SETD1A: variants seen among roughly 807,000 people sequenced by gnomAD.
The protein encoded by SETD1A is SET domain containing 1A, histone lysine methyltransferase, also known as histone-lysine N-methyltransferase SETD1A.
SETD1A carries 29 observed loss-of-function variants against 149.9 expected under a neutral mutation model. That is an observed-to-expected ratio of 0.19 (90% CI 0.14 to 0.26). The LOEUF (loss-of-function observed/expected upper bound fraction) is 0.26. Among genes scored for constraint, SETD1A ranks in the 10% least tolerant of loss-of-function variants. The pLI, the probability that SETD1A is intolerant of heterozygous loss-of-function variation, is 1.00. For missense variants in SETD1A, 2,109 were observed against 2,353.1 expected, an observed-to-expected ratio of 0.90 and a Z score of 2.15; for synonymous variants, 1,141 against 968.5, an observed-to-expected ratio of 1.18 and a Z score of -3.31.
Position 30,961,531 on chromosome 16 carries a change from A to G in SETD1A, c.511A>G (p.Ile171Val). The change falls in exon 4 of 19, where the codon ATC (isoleucine) becomes GTC (valine). Residue 171 changes from isoleucine to valine, a missense_variant. Ile to Val is a conservative substitution (Grantham distance 29, BLOSUM62 3). Around this residue, in one of 8 missense-constraint regions of SETD1A, gnomAD observed 62 missense variants for 149.5 expected, o/e 0.41. Transcript: ENST00000262519. This position sits in a 1 kb window ranked among gnomAD's most constrained non-coding sequence, Gnocchi z 4.0. ...CAACATCATCCATGCCCAGCTTGAC[A>G]TCAAAGGTGAGGACTCCTCTGCCTG... ...MGNIIHAQLD[I>V]KGQQRMKYYE... 6.2e-7 allele frequency: 1 copy of G among 1,613,612 alleles called. No individual in the cohort carries two copies. The highest frequency in any genetic ancestry group is 1.1e-5 in the South Asian group (1 of 91,032).
chr16:30,958,880 A>G lies in SETD1A; in HGVS notation c.149A>G (p.Asn50Ser), dbSNP rs143594214. The change falls in exon 2 of 19, where the codon AAC becomes AGC. Residue 50 changes from asparagine (N) to serine (S), a missense_variant and splice_region_variant. Physicochemically the swap from Asn to Ser is conservative, Grantham distance 46. Around this residue, in one of 8 missense-constraint regions of SETD1A, gnomAD observed 75 missense variants for 95.3 expected, o/e 0.79. Coordinates refer to ENST00000262519, the MANE Select transcript of SETD1A (RefSeq NM_014712.3). ...YRYDGVHFSV[N>S]DSKYIPVEDL... ...TATGATGGAGTCCACTTCAGTGTCA[A>G]CGTGAGTGCCCGGGTCTTTGGTTGC... 1.3e-4 allele frequency: 210 copies of G among 1,613,976 alleles called. No homozygotes were observed. Among genetic ancestry groups the G allele is most frequent in the Non-Finnish European group, 1.7e-4 (201 of 1,179,984 alleles).
chr16:30,980,899 G>T lies in SETD1A; in HGVS notation c.4692+50G>T. On this transcript the variant is annotated intron_variant, in intron 16 of 18. Coordinates refer to ENST00000262519, the MANE Select transcript of SETD1A (RefSeq NM_014712.3). This position sits in a 1 kb window ranked among gnomAD's most constrained non-coding sequence, Gnocchi z 7.7. ...TGGGTGGGGTGGGGTGGGGCAGGAA[G>T]GGGCAGAGGCCAGGGGACCACCCAG... 1 of 1,547,062 alleles carries T rather than the reference G, an allele frequency of 6.5e-7. No homozygotes were observed. Among genetic ancestry groups the T allele is most frequent in the Non-Finnish European group, 8.9e-7 (1 of 1,128,576 alleles).
Position 30,965,749 on chromosome 16 carries a change from T to C in SETD1A, c.1868T>C (p.Leu623Pro). 7.3e-7 allele frequency: 1 copy of C among 1,378,672 alleles called. No individual in the cohort carries two copies. Among genetic ancestry groups the C allele is most frequent in the South Asian group, 1.2e-5 (1 of 84,182 alleles). The allele number at this position is 1,378,672 out of a possible 1,614,324, so 85.4% of individuals were successfully genotyped here. A position where few individuals can be genotyped will look rare whatever the true frequency, so the allele number is the denominator to read the frequency against. Residue 623 changes from leucine to proline, a missense_variant, in exon 8 of 19, where the codon CTT (leucine) becomes CCT (proline). Around this residue, in one of 8 missense-constraint regions of SETD1A, gnomAD observed 431 missense variants for 388.6 expected, o/e 1.11. Coordinates refer to ENST00000262519, the MANE Select transcript of SETD1A (RefSeq NM_014712.3). ...PPPPYLASLP[L>P]GYPPHQPAYL... ...CCTCCCTACCTGGCGTCCCTTCCTC[T>C]TGGTTATCCTCCCCACCAACCTGCC...
chr16:30,975,425 T>C (rs1159809626), intron 13 of SETD1A, among the ~76,000 whole-genome samples: 1 of 146,260 alleles, frequency 6.8e-6, no homozygotes, highest in Non-Finnish European at 1.5e-5. Context: ...CCACAACCTC[T>C]CCCTTTTTTT....
Position 30,961,640 on chromosome 16 carries a change from C to A in SETD1A, c.517+103C>A. The A allele has an allele frequency of 9.9e-7, 1 of 1,008,598 alleles. No individual in the cohort carries two copies. Among genetic ancestry groups the A allele is most frequent in the South Asian group, 1.4e-5 (1 of 69,426 alleles). 62.5% of individuals were successfully genotyped at this position (1,008,598 alleles called of 1,614,324 possible). A position where few individuals can be genotyped will look rare whatever the true frequency, so the allele number is the denominator to read the frequency against. On this transcript the variant is annotated intron_variant, in intron 4 of 18. Coordinates refer to ENST00000262519, the MANE Select transcript of SETD1A (RefSeq NM_014712.3). The surrounding 1 kb of genome is among the most constrained non-coding windows in gnomAD (Gnocchi z 4.0). ...AGGCGCCCAGGGTCATGATCTGAAA[C>A]TGCTGGGGCCAGTTGTGTTTCTGAA...
Position 30,965,013 on chromosome 16 carries a change from A to G in SETD1A, c.1271A>G (p.Asp424Gly), listed in dbSNP as rs1332025752. Residue 424 changes from aspartate to glycine, a missense_variant, in exon 7 of 19, where the codon GAC becomes GGC. Physicochemically the swap from Asp to Gly is moderately conservative, Grantham distance 94. This residue lies in a region of SETD1A where 410 missense variants were observed against 394.8 expected (regional missense o/e 1.04). Coordinates refer to ENST00000262519, the MANE Select transcript of SETD1A (RefSeq NM_014712.3). ...GAGCCCAGCCGGCCCACCGACCAGG[A>G]CTACCGGCCTCCTGCCTCAGAGGCT... ...PPEPSRPTDQ[D>G]YRPPASEAPP... 1.2e-6 allele frequency: 2 copies of G among 1,613,300 alleles called. No homozygotes were observed. The highest frequency in any genetic ancestry group is 2.7e-5 in the African/African-American group (2 of 74,914).
Position 30,983,651 on chromosome 16 carries a change from G to A in SETD1A, c.4829G>A (p.Arg1610Gln). ...QNIRQMVADM[R>Q]EKRYVQEGIG... is the part of the protein sequence containing the mutation. ...CCCTGGCAGATGGTGGCCGACATGC[G>A]GGAGAAGCGCTACGTGCAGGAGGGC... The change falls in exon 18 of 19, where the codon CGG becomes CAG. Residue 1610 changes from arginine (R) to glutamine (Q), a missense_variant. This residue lies in a region of SETD1A where 254 missense variants were observed against 409.3 expected (regional missense o/e 0.62). Transcript: ENST00000262519. This position sits in a 1 kb window ranked among gnomAD's most constrained non-coding sequence, Gnocchi z 6.8. 4 of 1,613,200 alleles carry A rather than the reference G, an allele frequency of 2.5e-6. No homozygotes were observed. The highest frequency in any genetic ancestry group is 2.5e-6 in the Non-Finnish European group (3 of 1,179,828).
In SETD1A at chr16:30,966,239, G is replaced by T. The variant is rs1422153500; in HGVS notation, c.2358G>T (p.Pro786=). Residue 786 remains proline (P), a synonymous_variant, in exon 8 of 19, where the codon CCG becomes CCT. Transcript: ENST00000262519. ...EAELAEGKTL[P]TAGTVGRVLA... is the part of the protein sequence containing the mutation. ...AGCTGGCAGAGGGCAAGACCCTCCC[G>T]ACAGCAGGCACCGTGGGCCGTGTGC... The T allele has an allele frequency of 6.2e-7, 1 of 1,613,674 alleles. No individual in the cohort carries two copies.
rs745871785 is a variant in SETD1A, at chr16:30,979,957, A to G, written c.4171A>G (p.Arg1391Gly). 152 of 1,531,380 alleles carry G rather than the reference A, an allele frequency of 9.9e-5. No homozygotes were observed. The Middle Eastern group carries it at 2.8e-3, about 28-fold the overall frequency. 94.9% of individuals were successfully genotyped at this position (1,531,380 alleles called of 1,614,324 possible). The change falls in exon 14 of 19, where the codon AGG becomes GGG. Residue 1391 changes from arginine (R) to glycine (G), a missense_variant. Coordinates refer to ENST00000262519, the MANE Select transcript of SETD1A (RefSeq NM_014712.3). ...CAGCGATGGGGAGGGCGCCCTCCGGAGGCGCAGCCTCCGCTCCCACGCCCG... is the reference window on the plus strand; with the variant it reads ...CAGCGATGGGGAGGGCGCCCTCCGGGGGCGCAGCCTCCGCTCCCACGCCCG... ...SSSDGEGALR[R>G]RSLRSHARRR...
intron 10 of SETD1A, among the ~76,000 whole-genome samples, chr16:30,968,102 G>A (rs561110708): frequency 3.3e-5 from 5 of 152,250 alleles, no homozygotes; most frequent in East Asian, 1.9e-4. Context: ...CAAATGGACA[G>A]GACATATTTA....
intron 13 of SETD1A, among the ~76,000 whole-genome samples, chr16:30,977,235 C>T (rs989567638): frequency 7.9e-5 from 12 of 152,124 alleles, no homozygotes; most frequent in Non-Finnish European, 1.2e-4. Context: ...TGAGCCCCCT[C>T]GCCCGGCCAG....
In SETD1A at chr16:30,966,193, T is replaced by C. The variant is rs1319280744; in HGVS notation, c.2312T>C (p.Leu771Pro). ...TCAGTCTCGGGAGAGGAGGCCCGGC[T>C]GCCACCCAGGGAAGAAGCAGAGCTG... Reference protein sequence around the residue: ...SSSVSGEEARLPPREEAELAE... With the variant: ...SSSVSGEEARPPPREEAELAE... Residue 771 changes from leucine (L) to proline (P), a missense_variant, in exon 8 of 19, where the codon CTG (leucine) becomes CCG (proline). By Grantham distance (98) the Leu-to-Pro change is moderately conservative (BLOSUM62 -3). This residue lies in a region of SETD1A where 431 missense variants were observed against 388.6 expected (regional missense o/e 1.11). Transcript: ENST00000262519. 1.2e-6 allele frequency: 2 copies of C among 1,612,426 alleles called. No homozygotes were observed. The highest frequency in any genetic ancestry group is 2.2e-5 in the East Asian group (1 of 44,860).
rs753343532 is a variant in SETD1A at position 30,980,768 on chromosome 16, G to A, written c.4611G>A (p.Arg1537=). 2.5e-6 allele frequency: 4 copies of A among 1,612,932 alleles called. No homozygotes were observed. Among genetic ancestry groups the A allele is most frequent in the Non-Finnish European group, 3.4e-6 (4 of 1,179,886 alleles). ...QGTNRVLSER[R]SEQRRLLSAI... ...CGAACCGCGTGCTGTCCGAGCGCCGGTCCGAGCAGCGGCGGCTGCTGAGCG... is the reference window on the plus strand; with the variant it reads ...CGAACCGCGTGCTGTCCGAGCGCCGATCCGAGCAGCGGCGGCTGCTGAGCG... Residue 1537 remains arginine, a synonymous_variant, in exon 16 of 19, where the codon CGG becomes CGA. Transcript: ENST00000262519. This position sits in a 1 kb window ranked among gnomAD's most constrained non-coding sequence, Gnocchi z 7.7.
chr16:30,959,231 T>G (rs749876370), intron 3 of SETD1A, 45 bp downstream of exon 3: 1 of 1,242,520 alleles, frequency 8.0e-7, no homozygotes, highest in Admixed American at 1.7e-5. Flanking sequence ...TAAGAGGGTG[T>G]GGAGGATGCG....
chr16:30,958,343 TGTGTG>T (rs1323857982), intron 1 of SETD1A: 1 of 121,684 alleles, frequency 8.2e-6, no homozygotes, highest in Non-Finnish European at 1.6e-5. Context: ...GGAGAGCGGG[TGTGTG>T]GGAGCCGTGG....
chr16:30,964,585 C>T (rs1406753778), intron 6 of SETD1A, 27 bp from the exon 7 acceptor site: 2 of 1,599,742 alleles, frequency 1.3e-6, no homozygotes, highest in African/African-American at 1.3e-5. Flanking sequence ...GAGCTGAGTC[C>T]AGCTAACTCC....
At position 30,980,315 on chromosome 16, in the gene SETD1A, C is replaced by T; in HGVS notation, c.4408+121C>T. 1 of 1,435,558 alleles carries T rather than the reference C, an allele frequency of 7.0e-7. No individual in the cohort carries two copies. Among genetic ancestry groups the T allele is most frequent in the Non-Finnish European group, 9.3e-7 (1 of 1,075,988 alleles). 88.9% of individuals were successfully genotyped at this position (1,435,558 alleles called of 1,614,324 possible). A position where few individuals can be genotyped will look rare whatever the true frequency, so the allele number is the denominator to read the frequency against. On this transcript the variant is annotated intron_variant, in intron 14 of 18. Coordinates refer to ENST00000262519, the MANE Select transcript of SETD1A (RefSeq NM_014712.3). The surrounding 1 kb of genome is among the most constrained non-coding windows in gnomAD (Gnocchi z 7.7). ...GGCTCCAAGCCATCTTTTCTCTCCT[C>T]CTGGTGCCTCTTTTCTGCCTTCCAA...
At chr16:30,972,160 C>T (rs538662150) in intron 13 of SETD1A, among the ~76,000 whole-genome samples, 7 of 152,210 alleles carry the variant, frequency 4.6e-5, no homozygotes, top group Non-Finnish European at 8.8e-5. Flanking sequence ...AGTTGTTATA[C>T]TCTAGCACAT....
rs1200543301 is a variant in SETD1A, at chr16:30,961,797, G to C, written c.517+260G>C. Among the ~76,000 whole-genome samples the C allele has an allele frequency of 6.6e-6, 1 of 152,106 alleles. No homozygotes were observed. The highest frequency in any genetic ancestry group is 1.5e-5 in the Non-Finnish European group (1 of 68,026). On this transcript the variant is annotated intron_variant, in intron 4 of 18. Transcript: ENST00000262519. This position sits in a 1 kb window ranked among gnomAD's most constrained non-coding sequence, Gnocchi z 4.0. ...AAAAAAAAAAAAAATCATATGAAGG[G>C]TTGTACTAGGTAAGATGAATAGATT...
Sources: gnomAD v4.1 joint callset for allele counts (sites outside exome capture counted in the v4.1 genomes callset) on GRCh38, gnomAD v4.1.1 for gene constraint, gnomAD v4.1.1 regional missense constraint, Gnocchi (gnomAD v3.1) non-coding constraint, MANE v1.5 for transcripts, NCBI Gene and HGNC (gene_info 2026-07-23, HGNC 2026-07-21) for gene names.